The following LINGO2 variants were observed in gnomAD, a reference collection of about 807,000 sequenced individuals.
The protein encoded by LINGO2 is leucine-rich repeat and immunoglobulin-like domain-containing nogo receptor-interacting protein 2.
LINGO2 carries 14 observed loss-of-function variants against 30.6 expected under a neutral mutation model. The observed-to-expected ratio is 0.46, with a 90% CI of 0.30 to 0.72. The LOEUF (loss-of-function observed/expected upper bound fraction) is 0.72. Ranked by LOEUF, LINGO2 falls within the 30% of genes least tolerant of loss-of-function variation. The probability of loss-of-function intolerance (pLI) is 0.07; values close to 1 mark genes in which losing one functional copy is unlikely to be tolerated. For missense variants in LINGO2, 729 were observed against 751.7 expected (o/e 0.97, Z 0.35); for synonymous variants, 317 against 288.5 (o/e 1.10, Z -1.00).
At chr9:27,943,347 TTTG>T (rs1362246633), downstream of LINGO2, 3 of 151,958 alleles carry the variant, frequency 2.0e-5, no homozygotes, top group African/African-American at 7.2e-5. Context: ...AATTTGCATT[TTTG>T]TTGTCTTCTA....
chr9:28,225,388 G>A (rs1821111461), intron 4 of LINGO2, among the ~76,000 whole-genome samples: 1 of 151,976 alleles, frequency 6.6e-6, no homozygotes, highest in South Asian at 2.1e-4. Context: ...TACTATATAT[G>A]TTAAATGCAA....
chr9:28,706,949 C>T, the LINGO2 span, among the ~76,000 whole-genome samples: 3 of 151,686 alleles, frequency 2.0e-5, no homozygotes, highest in African/African-American at 7.3e-5. Context: ...TCTAAAAAAT[C>T]ACCCTTCAAA....
the LINGO2 span, among the ~76,000 whole-genome samples, chr9:28,803,177 T>C: frequency 6.6e-6 from 1 of 152,062 alleles, no homozygotes. Context: ...CAGCACACTA[T>C]AAATCCTTTA....
intron 2 of LINGO2, among the ~76,000 whole-genome samples, chr9:28,423,333 G>A (rs1688889598): frequency 6.6e-6 from 1 of 151,880 alleles, no homozygotes; most frequent in African/African-American, 2.4e-5. Flanking sequence ...GACACTCTAG[G>A]TCTAAGAAAT....
Position 28,148,454 on chromosome 9 carries a change from A to G in LINGO2, c.-86-136049T>C. 7.1e-7 allele frequency: 1 copy of G among 1,403,278 alleles called. No homozygotes were observed. The highest frequency in any genetic ancestry group is 9.7e-7 in the Non-Finnish European group (1 of 1,026,848). The allele number at this position is 1,403,278 out of a possible 1,614,324, so 86.9% of individuals were successfully genotyped here. On this transcript the variant is annotated intron_variant, in intron 4 of 5. Transcript: ENST00000379992. This position sits in a 1 kb window ranked among gnomAD's most constrained non-coding sequence, Gnocchi z 5.1. ...GATGGAGGTGAGGGCAGAAGAGCCC[A>G]GAGAAGCAACGGAGGTGACAGACCA...
chr9:28,336,962 A>G (rs1024998167), intron 3 of LINGO2, among the ~76,000 whole-genome samples: 1 of 151,712 alleles, frequency 6.6e-6, no homozygotes, highest in Non-Finnish European at 1.5e-5. Flanking sequence ...TTACATAGAC[A>G]ACTGTTTTGA....
chr9:28,469,788 A>G (rs1564219951), intron 2 of LINGO2, among the ~76,000 whole-genome samples: 1 of 152,196 alleles, frequency 6.6e-6, no homozygotes, highest in Non-Finnish European at 1.5e-5. Flanking sequence ...GAGGCAGTTA[A>G]TTACAACTAG....
intron 4 of LINGO2, among the ~76,000 whole-genome samples, chr9:28,285,807 A>C (rs184019736): frequency 6.6e-6 from 1 of 152,124 alleles, no homozygotes; most frequent in African/African-American, 2.4e-5. Flanking sequence ...CTTCTTATAG[A>C]TTGCCTCCTC....
the LINGO2 span, among the ~76,000 whole-genome samples, chr9:28,925,157 T>A: frequency 6.6e-6 from 1 of 152,170 alleles, no homozygotes; most frequent in African/African-American, 2.4e-5. Context: ...TGTTATTGGT[T>A]AAAAAATAAA....
intron 4 of LINGO2, among the ~76,000 whole-genome samples, chr9:28,055,573 T>G (rs557604802): frequency 1.6e-4 from 25 of 152,312 alleles, no homozygotes; most frequent in African/African-American, 5.5e-4. Flanking sequence ...GTTCGAAGTG[T>G]AAGGCTTCAG....
intron 1 of LINGO2, among the ~76,000 whole-genome samples, chr9:28,564,352 G>T (rs955535744): frequency 2.6e-5 from 4 of 152,018 alleles, no homozygotes; most frequent in African/African-American, 9.7e-5. Context: ...GATGAACCGG[G>T]AGTAGATAAT....
chr9:28,434,581 A>G (rs1380258146), intron 2 of LINGO2, among the ~76,000 whole-genome samples: 1 of 151,328 alleles, frequency 6.6e-6, no homozygotes, highest in Admixed American at 6.6e-5. Flanking sequence ...TGACATTTTT[A>G]TCCTTCCTGT....
the LINGO2 span, among the ~76,000 whole-genome samples, chr9:29,197,094 T>C: frequency 7.5e-4 from 114 of 152,180 alleles, no homozygotes; most frequent in African/African-American, 2.7e-3. Flanking sequence ...TGTTGGAATT[T>C]TACAAAGTCC....
chr9:29,009,119 G>A, the LINGO2 span, among the ~76,000 whole-genome samples: 7 of 152,046 alleles, frequency 4.6e-5, no homozygotes, highest in African/African-American at 1.2e-4. Context: ...TTTGAAAACC[G>A]GCACAAGACA....
At chr9:28,045,963 C>G (rs1370150593) in intron 4 of LINGO2, among the ~76,000 whole-genome samples, 2 of 152,258 alleles carry the variant, frequency 1.3e-5, no homozygotes, top group East Asian at 3.9e-4. Context: ...TCAGGTTTCT[C>G]TTCATTTCCT....
chr9:28,681,201 G>A, the LINGO2 span, among the ~76,000 whole-genome samples: 2 of 151,742 alleles, frequency 1.3e-5, no homozygotes, highest in African/African-American at 4.8e-5. Context: ...AGTTCCAGTT[G>A]GTACCCTGGA....
At chr9:28,156,038 G>T (rs964509868) in intron 4 of LINGO2, among the ~76,000 whole-genome samples, 2 of 152,144 alleles carry the variant, frequency 1.3e-5, no homozygotes, top group Admixed American at 6.5e-5. Flanking sequence ...AAGACAACTT[G>T]TTACTACTGA....
At chr9:28,860,612 T>C in the LINGO2 span, among the ~76,000 whole-genome samples, 1 of 151,792 alleles carries the variant, frequency 6.6e-6, no homozygotes, top group Non-Finnish European at 1.5e-5. Context: ...AGATAGTCTT[T>C]ATTTCTCTCT....
At chr9:27,954,691 C>T (rs7863923) in intron 5 of LINGO2, among the ~76,000 whole-genome samples, 83,650 of 151,944 alleles carry the variant, frequency 0.55, 24,515 homozygotes, top group East Asian at 0.81. Context: ...CTGTGTATTA[C>T]TCCATTTTCA....
Sources: gnomAD v4.1 joint callset for allele counts (sites outside exome capture counted in the v4.1 genomes callset) on GRCh38, gnomAD v4.1.1 for gene constraint, Gnocchi (gnomAD v3.1) non-coding constraint, MANE v1.5 for transcripts, NCBI Gene and HGNC (gene_info 2026-07-23, HGNC 2026-07-21) for gene names.